The following DOCK2 variants were observed in gnomAD, a reference collection of about 807,000 sequenced individuals.
DOCK2 encodes dedicator of cytokinesis 2, also known as dedicator of cytokinesis protein 2.
DOCK2 carries 87 observed loss-of-function variants against 248.9 expected under a neutral mutation model. The observed-to-expected ratio is 0.35, with a 90% CI of 0.29 to 0.42. DOCK2 has a LOEUF of 0.42. Among genes scored for constraint, DOCK2 ranks in the 10% least tolerant of loss-of-function variants. The pLI is 1.00. For missense variants in DOCK2, 1,747 were observed against 2,300.2 expected (o/e 0.76, Z 4.92); for synonymous variants, 805 against 821.6 (o/e 0.98, Z 0.35).
chr5:169,777,529 G>T (rs1765454176), intron 25 of DOCK2, among the ~76,000 whole-genome samples: 1 of 152,186 alleles, frequency 6.6e-6, no homozygotes, highest in Admixed American at 6.5e-5. Flanking sequence ...TACAGCTTTA[G>T]CTAAAGAGTG....
At chr5:169,749,432 A>T (rs920470216) in intron 23 of DOCK2, among the ~76,000 whole-genome samples, 2 of 152,132 alleles carry the variant, frequency 1.3e-5, no homozygotes, top group Admixed American at 1.3e-4. Flanking sequence ...TAATATTAGG[A>T]TTATTCTGAG....
At chr5:169,870,264 T>C (rs1438779471) in intron 27 of DOCK2, among the ~76,000 whole-genome samples, 1 of 152,180 alleles carries the variant, frequency 6.6e-6, no homozygotes, top group East Asian at 1.9e-4. Context: ...CTAATCTGGC[T>C]TACAGATCAG....
chr5:169,955,380 T>C (rs1017203614), intron 27 of DOCK2, among the ~76,000 whole-genome samples: 2 of 151,870 alleles, frequency 1.3e-5, no homozygotes, highest in African/African-American at 4.8e-5. Context: ...TCAATAAGTG[T>C]TAAAGGAAGG....
intron 32 of DOCK2, among the ~76,000 whole-genome samples, chr5:170,009,091 C>A (rs75141675): frequency 0.024 from 3,585 of 152,002 alleles, 129 homozygotes; most frequent in African/African-American, 0.079. Flanking sequence ...TTGGAGGGTC[C>A]TTCTGCATCC....
chr5:169,649,898 G>C (rs771194239), intron 1 of DOCK2, among the ~76,000 whole-genome samples: 1 of 151,894 alleles, frequency 6.6e-6, no homozygotes, highest in Admixed American at 6.6e-5. Flanking sequence ...CTGCCTCCCA[G>C]GTTCAAGCAA....
chr5:169,989,470 A>G (rs17738326), intron 29 of DOCK2, among the ~76,000 whole-genome samples: 6,639 of 152,290 alleles, frequency 0.044, 168 homozygotes, highest in East Asian at 0.085. Flanking sequence ...CCAAATATTT[A>G]TTGAATTTCA....
chr5:170,076,274 C>T (rs1276441350), intron 47 of DOCK2, among the ~76,000 whole-genome samples, 190 bp downstream of exon 47: 1 of 152,158 alleles, frequency 6.6e-6, no homozygotes, highest in Non-Finnish European at 1.5e-5. Context: ...AAGTAACCCC[C>T]AGACAAACTC....
chr5:169,997,448 C>G (rs1754686869), intron 30 of DOCK2, among the ~76,000 whole-genome samples: 1 of 145,870 alleles, frequency 6.9e-6, no homozygotes, highest in African/African-American at 2.6e-5. Context: ...GGGGGACGGT[C>G]AGGTCTTTCC....
chr5:169,719,224 G>A (rs964689067), intron 22 of DOCK2, among the ~76,000 whole-genome samples: 3 of 152,206 alleles, frequency 2.0e-5, no homozygotes, highest in African/African-American at 7.2e-5. Context: ...GTCTGTCCTT[G>A]AGATCCTAGT....
intron 41 of DOCK2, among the ~76,000 whole-genome samples, chr5:170,052,013 T>C (rs1026129840): frequency 5.3e-5 from 8 of 152,088 alleles, no homozygotes; most frequent in Admixed American, 3.9e-4. Flanking sequence ...AGGGAGCATA[T>C]AAATGCAAGG....
intron 27 of DOCK2, among the ~76,000 whole-genome samples, chr5:169,976,681 G>C (rs576792910): frequency 6.6e-6 from 1 of 152,218 alleles, no homozygotes; most frequent in Non-Finnish European, 1.5e-5. Flanking sequence ...CAAATGAAGA[G>C]TGTGTAATGA....
chr5:169,645,401 G>T (rs191545561), intron 1 of DOCK2, among the ~76,000 whole-genome samples: 3 of 152,138 alleles, frequency 2.0e-5, no homozygotes, highest in East Asian at 3.8e-4. Context: ...TTTCATGTTT[G>T]TTGGCCACAT....
intron 27 of DOCK2, among the ~76,000 whole-genome samples, chr5:169,972,908 C>G (rs998887703): frequency 2.0e-5 from 3 of 152,148 alleles, no homozygotes; most frequent in African/African-American, 7.2e-5. Context: ...CAACCACCCC[C>G]CTCCCCAATA....
chr5:169,702,232 C>A, intron 13 of DOCK2, 71 bp from the exon 14 acceptor site: 1 of 1,551,358 alleles, frequency 6.4e-7, no homozygotes, highest in Non-Finnish European at 8.8e-7. Flanking sequence ...ACCCTCCATC[C>A]CCTCTAGTTA....
At chr5:169,911,406 G>T (rs542544565) in intron 27 of DOCK2, among the ~76,000 whole-genome samples, 1 of 152,254 alleles carries the variant, frequency 6.6e-6, no homozygotes, top group East Asian at 1.9e-4. Flanking sequence ...GGAGCTTTTA[G>T]AACCTAGAGC....
chr5:169,825,390 A>T (rs928104764), intron 26 of DOCK2, among the ~76,000 whole-genome samples: 1 of 151,990 alleles, frequency 6.6e-6, no homozygotes, highest in Admixed American at 6.5e-5. Flanking sequence ...ACAGTGATAG[A>T]CTGGATTAAG....
chr5:169,840,633 T>C, intron 26 of DOCK2, 124 bp from the exon 27 acceptor site: 1 of 701,268 alleles, frequency 1.4e-6, no homozygotes, highest in Non-Finnish European at 2.5e-6. Context: ...ATGGCAGTAG[T>C]GGTGGTGGTG....
intron 25 of DOCK2, among the ~76,000 whole-genome samples, chr5:169,765,399 C>T (rs1764722425): frequency 1.3e-5 from 2 of 152,192 alleles, no homozygotes; most frequent in Non-Finnish European, 2.9e-5. Flanking sequence ...GAGAAACTTA[C>T]AAACACTAAT....
intron 26 of DOCK2, among the ~76,000 whole-genome samples, 195 bp from the exon 27 acceptor site, chr5:169,840,560 GGT>G (rs1477086679): frequency 6.6e-6 from 1 of 152,024 alleles, no homozygotes; most frequent in Non-Finnish European, 1.5e-5. Context: ...GCCCAGTGTA[GGT>G]GGTAATGACG....
Sources: gnomAD v4.1 joint callset for allele counts (sites outside exome capture counted in the v4.1 genomes callset) on GRCh38, gnomAD v4.1.1 for gene constraint, MANE v1.5 for transcripts, NCBI Gene and HGNC (gene_info 2026-07-23, HGNC 2026-07-21) for gene names.